The following SPSB4 variants were observed in gnomAD, a reference collection of about 807,000 sequenced individuals.
The protein encoded by SPSB4 is splA/ryanodine receptor domain and SOCS box containing 4, also known as SPRY domain-containing SOCS box protein 4.
Under a neutral mutation model 20.9 loss-of-function variants are expected in SPSB4, and 21 were observed. The ratio of observed to expected loss-of-function variants is 1.01; its 90% CI spans 0.71 to 1.45. SPSB4 has a LOEUF of 1.45. Ranked by LOEUF, SPSB4 falls within the 40% of genes most tolerant of loss-of-function variation. The pLI is 0.00. For synonymous variants in SPSB4, 207 were observed against 183.8 expected (o/e 1.13, Z -1.02); for missense variants, 399 against 399.2 (o/e 1.00, Z 0.00).
At chr3:141,134,065 T>TTTTTTTTTTTTTTTC (rs1237251736) in intron 2 of SPSB4, among the ~76,000 whole-genome samples, 1 of 144,312 alleles carries the variant, frequency 6.9e-6, no homozygotes, top group African/African-American at 2.5e-5. Flanking sequence ...TCTTTTTTTT[T>TTTTTTTTTTTTTTTC]TTTTTTTTTT....
chr3:141,134,559 C>T (rs987999170), intron 2 of SPSB4, among the ~76,000 whole-genome samples: 1 of 152,090 alleles, frequency 6.6e-6, no homozygotes, highest in African/African-American at 2.4e-5. Context: ...GTTTTTTCTG[C>T]ATCTATTGAC....
intron 1 of SPSB4, among the ~76,000 whole-genome samples, chr3:141,058,459 C>A (rs1436979075): frequency 3.3e-5 from 5 of 152,156 alleles, no homozygotes; most frequent in South Asian, 2.1e-4. Flanking sequence ...GGAAAAGTGA[C>A]GGAGGCATCC....
chr3:141,088,273 C>T (rs1389560708), intron 2 of SPSB4, among the ~76,000 whole-genome samples: 1 of 152,224 alleles, frequency 6.6e-6, no homozygotes, highest in Non-Finnish European at 1.5e-5. Context: ...GTACTGCGTA[C>T]ATCCATGCTA....
intron 2 of SPSB4, among the ~76,000 whole-genome samples, chr3:141,132,524 A>G (rs1004981056): frequency 6.6e-6 from 1 of 152,168 alleles, no homozygotes; most frequent in African/African-American, 2.4e-5. Context: ...ATAAGTGAGA[A>G]CATAGATGTT....
intron 2 of SPSB4, among the ~76,000 whole-genome samples, chr3:141,139,800 G>A (rs928713947): frequency 1.3e-5 from 2 of 152,154 alleles, no homozygotes; most frequent in African/African-American, 4.8e-5. Flanking sequence ...TGGTGAATCT[G>A]ACAATTATGT....
intron 2 of SPSB4, among the ~76,000 whole-genome samples, chr3:141,127,633 A>G (rs2107803448): frequency 6.6e-6 from 1 of 152,182 alleles, no homozygotes; most frequent in Non-Finnish European, 1.5e-5. Context: ...CACTGCCAGG[A>G]TTAAATGTGA....
chr3:141,123,522 A>AC (rs1214456937), intron 2 of SPSB4, among the ~76,000 whole-genome samples: 1 of 152,184 alleles, frequency 6.6e-6, no homozygotes, highest in African/African-American at 2.4e-5. Flanking sequence ...GTGTTAAGTA[A>AC]CCTGATATCT....
Position 141,083,188 on chromosome 3 carries a change from C to T in SPSB4, c.694+16390C>T, listed in dbSNP as rs565501224. Among the ~76,000 whole-genome samples, 6 of 152,318 alleles carry T rather than the reference C, an allele frequency of 3.9e-5. No homozygotes were observed. The South Asian group carries it at 1.2e-3, about 32-fold the overall frequency. Reference sequence around the variant, plus strand: ...TGACCTGTGTCCACCACAGGTCCCCCCAGGTGCCCTCACTAGAGTGGGGGT... The same window carrying T: ...TGACCTGTGTCCACCACAGGTCCCCTCAGGTGCCCTCACTAGAGTGGGGGT... On this transcript the variant is annotated intron_variant, in intron 2 of 2. Transcript: ENST00000310546.
chr3:141,107,572 T>C (rs6650894), intron 2 of SPSB4, among the ~76,000 whole-genome samples: 3,058 of 152,318 alleles, frequency 0.02, 111 homozygotes, highest in African/African-American at 0.07. Context: ...CTGAGTTTCC[T>C]TCTGGGAGTC....
chr3:141,136,782 C>T (rs190956435), intron 2 of SPSB4, among the ~76,000 whole-genome samples: 45 of 152,272 alleles, frequency 3.0e-4, no homozygotes, highest in Admixed American at 1.9e-3. Flanking sequence ...GTGATGCCTC[C>T]AGCTTTGTTC....
chr3:141,093,998 A>G (rs1385546403), intron 2 of SPSB4, among the ~76,000 whole-genome samples: 1 of 152,144 alleles, frequency 6.6e-6, no homozygotes, highest in African/African-American at 2.4e-5. Context: ...ATGTCTGTAA[A>G]AAAAAAGCCA....
chr3:141,114,505 G>A (rs1938855324), intron 2 of SPSB4, among the ~76,000 whole-genome samples: 1 of 152,208 alleles, frequency 6.6e-6, no homozygotes, highest in Non-Finnish European at 1.5e-5. Context: ...TCACTGTGAA[G>A]TAACATGGGA....
chr3:141,075,180 G>A (rs1300956031), intron 2 of SPSB4, among the ~76,000 whole-genome samples: 1 of 151,052 alleles, frequency 6.6e-6, no homozygotes, highest in African/African-American at 2.5e-5. Flanking sequence ...AGCTTAGGAG[G>A]AGAGTGATTA....
Position 141,147,394 on chromosome 3 carries a change from T to C in SPSB4, c.*125T>C. On this transcript the variant is annotated 3_prime_UTR_variant, in exon 3 of 3. Transcript: ENST00000310546. ...TCTCCTGGCTCCCCAGGACACTCAG[T>C]TCTTTCAAAGACCAGGATGTGGTAC... is the stretch of plus-strand genomic sequence containing the variant. 1 of 1,484,976 alleles carries C rather than the reference T, an allele frequency of 6.7e-7. No individual in the cohort carries two copies. Among genetic ancestry groups the C allele is most frequent in the South Asian group, 1.3e-5 (1 of 77,602 alleles). The allele number at this position is 1,484,976 out of a possible 1,614,324, so 92.0% of individuals were successfully genotyped here.
In SPSB4 at chr3:141,142,217, C is replaced by T. The variant is rs529464503; in HGVS notation, c.695-4925C>T. 3.3e-5 allele frequency among the ~76,000 whole-genome samples: 5 copies of T among 152,286 alleles called. No homozygotes were observed. In the East Asian group the frequency reaches 9.6e-4, roughly 29 times the overall value. ...CCTCTTAGCACTGCTTTGACTGTAT[C>T]CAAGAGGTTTTTGTAAGTTGTGTCA... is the stretch of plus-strand genomic sequence containing the variant. On this transcript the variant is annotated intron_variant, in intron 2 of 2. Transcript: ENST00000310546.
intron 2 of SPSB4, among the ~76,000 whole-genome samples, chr3:141,107,183 C>G (rs911708383): frequency 1.3e-5 from 2 of 152,200 alleles, no homozygotes; most frequent in Non-Finnish European, 2.9e-5. Context: ...CCCAAGGGAT[C>G]TGAAATGTTT....
At chr3:141,123,128 A>G (rs1167750832) in intron 2 of SPSB4, among the ~76,000 whole-genome samples, 1 of 152,240 alleles carries the variant, frequency 6.6e-6, no homozygotes, top group Non-Finnish European at 1.5e-5. Flanking sequence ...CTTCTGATAT[A>G]CAGAATTGGA....
chr3:141,136,596 A>G (rs1363971902), intron 2 of SPSB4, among the ~76,000 whole-genome samples: 22 of 152,206 alleles, frequency 1.4e-4, no homozygotes, highest in Non-Finnish European at 2.9e-4. Context: ...TTAAATAGGG[A>G]ATGCTTTCCC....
At chr3:141,060,786 G>A (rs1017445672) in intron 1 of SPSB4, among the ~76,000 whole-genome samples, 5 of 152,130 alleles carry the variant, frequency 3.3e-5, no homozygotes, top group Non-Finnish European at 5.9e-5. Context: ...CCAAGCATGC[G>A]TTATCCATTT....
Sources: gnomAD v4.1 joint callset for allele counts (sites outside exome capture counted in the v4.1 genomes callset) on GRCh38, gnomAD v4.1.1 for gene constraint, MANE v1.5 for transcripts, NCBI Gene and HGNC (gene_info 2026-07-23, HGNC 2026-07-21) for gene names.